Variants in OBP2B observed in about 807,000 individuals in gnomAD.
The protein encoded by OBP2B is odorant-binding protein 2b.
A neutral mutation model predicts 21.7 loss-of-function variants in OBP2B; 10 were observed. The observed-to-expected ratio is 0.46, with a 90% CI of 0.28 to 0.78. The LOEUF (loss-of-function observed/expected upper bound fraction) is 0.78. Among genes scored for constraint, OBP2B ranks in the 30% least tolerant of loss-of-function variants. The pLI is 0.11. For missense variants in OBP2B, 153 were observed against 217.7 expected, an observed-to-expected ratio of 0.70 and a Z score of 1.87; for synonymous variants, 73 against 91.5, an observed-to-expected ratio of 0.80 and a Z score of 1.16.
At chr9:133,221,992 G>A in the OBP2B span, among the ~76,000 whole-genome samples, 2 of 152,118 alleles carry the variant, frequency 1.3e-5, no homozygotes, top group South Asian at 2.1e-4. Flanking sequence ...CCTCCTTTGC[G>A]TGAGGAGATG....
At chr9:133,208,106 G>A (rs1833797710) in intron 3 of OBP2B, 27 bp downstream of exon 3, 2 of 1,546,866 alleles carry the variant, frequency 1.3e-6, no homozygotes, top group African/African-American at 1.4e-5. Flanking sequence ...GGGGGAGGGT[G>A]GGGGTGGGAG....
chr9:133,219,578 T>G, the OBP2B span, among the ~76,000 whole-genome samples: 1 of 152,158 alleles, frequency 6.6e-6, no homozygotes, highest in African/African-American at 2.4e-5. Context: ...CACTTCACAC[T>G]CATTAGGATG....
At chr9:133,210,446 C>A (rs1208613008), upstream of OBP2B, among the ~76,000 whole-genome samples, 1 of 152,012 alleles carries the variant, frequency 6.6e-6, no homozygotes, top group Admixed American at 6.5e-5. Flanking sequence ...GAGCAGAAAC[C>A]CCCCACCCTC....
intron 4 of OBP2B, 92 bp from the exon 5 acceptor site, chr9:133,206,508 A>G (rs1833719204): frequency 2.0e-6 from 3 of 1,536,164 alleles, no homozygotes; most frequent in Non-Finnish European, 2.7e-6. Flanking sequence ...ACGGCCCAGC[A>G]CCAGGACAGG....
the OBP2B span, among the ~76,000 whole-genome samples, chr9:133,221,915 C>T: frequency 7.2e-5 from 11 of 151,992 alleles, no homozygotes; most frequent in African/African-American, 1.5e-4. Flanking sequence ...CTGAACCTGC[C>T]GGGGCAGAAT....
At chr9:133,216,420 C>G in the OBP2B span, among the ~76,000 whole-genome samples, 2 of 151,500 alleles carry the variant, frequency 1.3e-5, no homozygotes, top group African/African-American at 4.9e-5. Flanking sequence ...TCATAGTGAT[C>G]ACACTGAAGC....
intron 3 of OBP2B, among the ~76,000 whole-genome samples, 178 bp from the exon 4 acceptor site, chr9:133,207,514 C>G (rs1833770275): frequency 6.6e-6 from 1 of 152,252 alleles, no homozygotes; most frequent in East Asian, 1.9e-4. Flanking sequence ...AGGAAGGTCC[C>G]AATGCAAGTA....
At chr9:133,218,043 A>T in the OBP2B span, among the ~76,000 whole-genome samples, 2 of 152,236 alleles carry the variant, frequency 1.3e-5, no homozygotes, top group Admixed American at 6.5e-5. Flanking sequence ...CAAAGTGGAC[A>T]AGTTGGACAG....
chr9:133,205,632 C>T (rs751788942), intron 6 of OBP2B: 12 of 606,306 alleles, frequency 2.0e-5, no homozygotes, highest in Admixed American at 8.9e-5. Flanking sequence ...GTGCAGGGGG[C>T]GATGGGCTGA....
At chr9:133,207,823 C>A (rs1248372715) in intron 3 of OBP2B, 2 of 1,457,072 alleles carry the variant, frequency 1.4e-6, no homozygotes, top group Admixed American at 4.1e-5. Context: ...CATCCCTAAC[C>A]CTCAGCCTCC....
rs1190609655 is a variant in OBP2B, at chr9:133,205,945, A to C, written c.491-5T>G. On this transcript the variant is annotated splice_polypyrimidine_tract_variant and splice_region_variant and intron_variant, in intron 5 of 6. Coordinates refer to ENST00000372034, the MANE Select transcript of OBP2B (RefSeq NM_014581.4). The stretch of plus-strand genomic sequence containing the variant: ...AGTGTTCGGGAACGCAGCTTCCTGC[A>C]GAGACCAAGAAAAACCCAGGGATTA... The C allele has an allele frequency of 1.9e-6, 3 of 1,613,812 alleles. No individual in the cohort carries two copies. The Admixed American group carries it at 5.0e-5, about 27-fold the overall frequency.
the OBP2B span, among the ~76,000 whole-genome samples, chr9:133,221,749 T>C: frequency 2.0e-5 from 3 of 149,072 alleles, no homozygotes; most frequent in Non-Finnish European, 4.4e-5. Context: ...CCATATTTAA[T>C]AGTGTGGATT....
rs1345038286 is a variant in OBP2B, at chr9:133,207,764, C to CTCCCCATCCTTAACCCTCAGCT, written c.277+347_277+368dup. The CTCCCCATCCTTAACCCTCAGCT allele has an allele frequency of 1.4e-4, 145 of 1,016,982 alleles. No individual in the cohort carries two copies. In the African/African-American group the frequency reaches 1.9e-3, roughly 13 times the overall value. 63.0% of individuals were successfully genotyped at this position (1,016,982 alleles called of 1,614,324 possible). On this transcript the variant is annotated intron_variant, in intron 3 of 6. Coordinates refer to ENST00000372034, the MANE Select transcript of OBP2B (RefSeq NM_014581.4). ...TTGGCCCCCGTCCCTAACCCTCAGCCTCCCCATCCTTAACCCTCAGCTTCC... is the reference window on the plus strand; with the variant it reads ...TTGGCCCCCGTCCCTAACCCTCAGCCTCCCCATCCTTAACCCTCAGCTTCCCCATCCTTAACCCTCAGCTTCC...
At chr9:133,219,624 G>A in the OBP2B span, among the ~76,000 whole-genome samples, 7 of 152,174 alleles carry the variant, frequency 4.6e-5, no homozygotes, top group African/African-American at 1.2e-4. Context: ...ACAAGGGTTG[G>A]CAAGGATGTG....
the OBP2B span, among the ~76,000 whole-genome samples, chr9:133,221,225 A>G: frequency 6.6e-6 from 1 of 152,136 alleles, no homozygotes; most frequent in Non-Finnish European, 1.5e-5. Flanking sequence ...CAACCAGAGG[A>G]TGCGTTTCCT....
intron 1 of OBP2B, 135 bp downstream of exon 1, chr9:133,208,993 C>T (rs1464354065): frequency 2.0e-5 from 18 of 917,012 alleles, no homozygotes; most frequent in Non-Finnish European, 2.8e-5. Flanking sequence ...AGGACCCCTC[C>T]ACCACCACCC....
At chr9:133,206,527 C>A in intron 4 of OBP2B, 111 bp from the exon 5 acceptor site, 1 of 1,414,674 alleles carries the variant, frequency 7.1e-7, no homozygotes, top group Non-Finnish European at 9.8e-7. Flanking sequence ...GGGGGAGAGG[C>A]CTGAGAGTGG....
At position 133,207,794 on chromosome 9, in the gene OBP2B, C is replaced by A. The variant is rs1262806468; in HGVS notation, c.277+339G>T. 7 of 1,292,068 alleles carry A rather than the reference C, an allele frequency of 5.4e-6. No individual in the cohort carries two copies. The East Asian group carries it at 2.2e-4, about 41-fold the overall frequency. 80.0% of individuals were successfully genotyped at this position (1,292,068 alleles called of 1,614,324 possible). A position where few individuals can be genotyped will look rare whatever the true frequency, so the allele number is the denominator to read the frequency against. ...CATCCTTAACCCTCAGCTTCCCCAT[C>A]CTTAACCCTCAGCTTCCCCATCCCT... On this transcript the variant is annotated intron_variant, in intron 3 of 6. Coordinates refer to ENST00000372034, the MANE Select transcript of OBP2B (RefSeq NM_014581.4).
chr9:133,211,530 G>A (rs1371408427), upstream of OBP2B, among the ~76,000 whole-genome samples: 1 of 152,170 alleles, frequency 6.6e-6, no homozygotes, highest in Non-Finnish European at 1.5e-5. Context: ...CCCTGACACC[G>A]ATGAAACCCA....
Sources: gnomAD v4.1 joint callset for allele counts (sites outside exome capture counted in the v4.1 genomes callset) on GRCh38, gnomAD v4.1.1 for gene constraint, MANE v1.5 for transcripts, NCBI Gene and HGNC (gene_info 2026-07-23, HGNC 2026-07-21) for gene names.